MAGI1: variants seen among roughly 807,000 people sequenced by gnomAD.
MAGI1 encodes membrane-associated guanylate kinase, WW and PDZ domain-containing protein 1.
A neutral mutation model predicts 139.9 loss-of-function variants in MAGI1; 58 were observed. The ratio of observed to expected loss-of-function variants is 0.41; its 90% CI spans 0.34 to 0.52. The LOEUF (loss-of-function observed/expected upper bound fraction) is 0.52. MAGI1 is among the 20% of genes least tolerant of loss of function. The probability of loss-of-function intolerance (pLI) is 0.12; values close to 1 mark genes in which losing one functional copy is unlikely to be tolerated. For synonymous variants in MAGI1, 812 were observed against 737.9 expected, an observed-to-expected ratio of 1.10 and a Z score of -1.63; for missense variants, 1,874 against 1,901.6, an observed-to-expected ratio of 0.99 and a Z score of 0.27.
chr3:65,877,614 A>C lies in MAGI1; in HGVS notation c.313+160382T>G, dbSNP rs1239251793. On this transcript the variant is annotated intron_variant, in intron 1 of 22. Coordinates refer to ENST00000402939, the MANE Select transcript of MAGI1 (RefSeq NM_001033057.2). ...AAGGTGGGAAAATATTTTCCTACCA[A>C]AACAGTCACCTGTATTTTAGTTTAA... is the stretch of plus-strand genomic sequence containing the variant. 2.0e-5 allele frequency among the ~76,000 whole-genome samples: 3 copies of C among 152,190 alleles called. No homozygotes were observed. In the East Asian group the frequency reaches 5.8e-4, roughly 29 times the overall value.
chr3:65,975,841 GCA>G (rs2065239043), intron 1 of MAGI1, among the ~76,000 whole-genome samples: 1 of 152,020 alleles, frequency 6.6e-6, no homozygotes. Context: ...TCCTTATTTT[GCA>G]CATTCTTCCT....
At chr3:65,692,753 A>C (rs1266719208) in intron 1 of MAGI1, among the ~76,000 whole-genome samples, 2 of 152,110 alleles carry the variant, frequency 1.3e-5, no homozygotes, top group Admixed American at 6.5e-5. Flanking sequence ...AGTTGTCATG[A>C]GACTGAGTCT....
chr3:65,440,148 C>G (rs1348861269), intron 8 of MAGI1, 136 bp from the exon 9 acceptor site: 2 of 963,264 alleles, frequency 2.1e-6, no homozygotes, highest in Non-Finnish European at 1.6e-6. Context: ...TTAAAATGCT[C>G]AGTTAGAAAG....
At chr3:65,523,199 T>C (rs2078239387) in intron 2 of MAGI1, among the ~76,000 whole-genome samples, 1 of 152,188 alleles carries the variant, frequency 6.6e-6, no homozygotes, top group Non-Finnish European at 1.5e-5. Flanking sequence ...ATGATACTAT[T>C]ACCATATTAG....
At chr3:65,829,905 G>C (rs2108290403) in intron 1 of MAGI1, among the ~76,000 whole-genome samples, 1 of 152,290 alleles carries the variant, frequency 6.6e-6, no homozygotes, top group East Asian at 1.9e-4. Context: ...ATAAACAGTT[G>C]TGCTTTCAGT....
intron 18 of MAGI1, among the ~76,000 whole-genome samples, chr3:65,369,462 T>A (rs1211542788): frequency 6.6e-6 from 1 of 151,470 alleles, no homozygotes; most frequent in Non-Finnish European, 1.5e-5. Flanking sequence ...GAGCATCTTT[T>A]CAAAGGGCCT....
At chr3:65,818,365 C>G (rs766550695) in intron 1 of MAGI1, among the ~76,000 whole-genome samples, 2 of 152,138 alleles carry the variant, frequency 1.3e-5, no homozygotes, top group African/African-American at 4.8e-5. Flanking sequence ...GTTTCCTGGT[C>G]TGATGGAACA....
intron 2 of MAGI1, among the ~76,000 whole-genome samples, chr3:65,509,581 A>G (rs2077472390): frequency 6.6e-6 from 1 of 152,168 alleles, no homozygotes; most frequent in Admixed American, 6.5e-5. Context: ...CCACCCGAAT[A>G]TTTCGCTTTT....
At chr3:66,024,716 G>C (rs1329508309) in intron 1 of MAGI1, among the ~76,000 whole-genome samples, 1 of 152,166 alleles carries the variant, frequency 6.6e-6, no homozygotes, top group Non-Finnish European at 1.5e-5. Flanking sequence ...TGAAGCAGGA[G>C]AATTGCCTGA....
At chr3:65,562,088 T>C (rs1197387260) in intron 2 of MAGI1, among the ~76,000 whole-genome samples, 2 of 137,104 alleles carry the variant, frequency 1.5e-5, no homozygotes, top group Non-Finnish European at 3.1e-5. Flanking sequence ...AAATTTAACA[T>C]AGGTATGTAT....
chr3:65,662,348 T>C (rs980728098), intron 1 of MAGI1, among the ~76,000 whole-genome samples: 4 of 152,234 alleles, frequency 2.6e-5, no homozygotes, highest in Non-Finnish European at 5.9e-5. Context: ...AAACTTTCCA[T>C]AAAATGCCAG....
chr3:65,497,476 C>G (rs1952539705), intron 2 of MAGI1, among the ~76,000 whole-genome samples: 1 of 152,088 alleles, frequency 6.6e-6, no homozygotes, highest in African/African-American at 2.4e-5. Flanking sequence ...AGAATAGAAT[C>G]TCTTTGAAAC....
intron 1 of MAGI1, among the ~76,000 whole-genome samples, chr3:65,689,530 G>C (rs2088385402): frequency 6.6e-6 from 1 of 152,038 alleles, no homozygotes; most frequent in Admixed American, 6.6e-5. Context: ...AATATCCTTC[G>C]GAATTAACTA....
At chr3:65,413,964 G>A (rs367605344) in intron 12 of MAGI1, among the ~76,000 whole-genome samples, 23 of 152,214 alleles carry the variant, frequency 1.5e-4, no homozygotes, top group Admixed American at 7.8e-4. Context: ...CAATGGAAAC[G>A]AAATACATGC....
chr3:65,385,810 A>G lies in MAGI1; in HGVS notation c.2417-2187T>C, dbSNP rs139355635. 3.3e-4 allele frequency among the ~76,000 whole-genome samples: 51 copies of G among 152,302 alleles called. No individual in the cohort carries two copies. The East Asian group carries it at 9.9e-3, about 29-fold the overall frequency. Reference sequence around the variant, plus strand: ...CTCCCATAAACACAATTTGAGAGTAATATTTTCTTGAGCACGCTAAGGTAA... The same window carrying G: ...CTCCCATAAACACAATTTGAGAGTAGTATTTTCTTGAGCACGCTAAGGTAA... On this transcript the variant is annotated intron_variant, in intron 14 of 22. Transcript: ENST00000402939.
chr3:65,382,008 C>G lies in MAGI1; in HGVS notation c.2570G>C (p.Gly857Ala), dbSNP rs1285118536. The change falls in exon 16 of 23, where the codon GGA becomes GCA. Residue 857 changes from glycine to alanine, a missense_variant. By Grantham distance (60) the Gly-to-Ala change is moderately conservative (BLOSUM62 0). This residue lies in a region of MAGI1 where 482 missense variants were observed against 509.6 expected (regional missense o/e 0.95). Transcript: ENST00000402939. ...AADTDGRLRS[G>A]DELICVDGTP... ...CCCATCCACACAGATTAATTCATCT[C>G]CAGACCTCAGGCGGCCGTCAGTATC... 2 of 1,614,048 alleles carry G rather than the reference C, an allele frequency of 1.2e-6. No homozygotes were observed. The highest frequency in any genetic ancestry group is 2.7e-5 in the African/African-American group (2 of 74,916).
At chr3:65,586,526 T>A (rs1576399063) in intron 2 of MAGI1, among the ~76,000 whole-genome samples, 1 of 152,082 alleles carries the variant, frequency 6.6e-6, no homozygotes, top group Non-Finnish European at 1.5e-5. Context: ...CCAAAAAGAG[T>A]AACTTTTGTT....
chr3:65,905,422 AT>A lies in MAGI1; in HGVS notation c.313+132573del, dbSNP rs36093494. ...TAGTGAGACCTCATCTCTATGAAATATTTTTTTTTTCTAATTAGCTGGGCAT... is the reference window on the plus strand; with the variant it reads ...TAGTGAGACCTCATCTCTATGAAATATTTTTTTTTCTAATTAGCTGGGCAT... On this transcript the variant is annotated intron_variant, in intron 1 of 22. Coordinates refer to ENST00000402939, the MANE Select transcript of MAGI1 (RefSeq NM_001033057.2). 6.0e-5 allele frequency among the ~76,000 whole-genome samples: 9 copies of A among 149,122 alleles called. No homozygotes were observed. The South Asian group carries it at 1.7e-3, about 28-fold the overall frequency.
At chr3:66,015,344 T>A (rs2067573461) in intron 1 of MAGI1, among the ~76,000 whole-genome samples, 1 of 152,150 alleles carries the variant, frequency 6.6e-6, no homozygotes, top group Non-Finnish European at 1.5e-5. Context: ...GTAAAGCACC[T>A]TACGTCCTGC....
Sources: gnomAD v4.1 joint callset for allele counts (sites outside exome capture counted in the v4.1 genomes callset) on GRCh38, gnomAD v4.1.1 for gene constraint, gnomAD v4.1.1 regional missense constraint, MANE v1.5 for transcripts, NCBI Gene and HGNC (gene_info 2026-07-23, HGNC 2026-07-21) for gene names.